The following BMAL2 variants were observed in gnomAD, a reference collection of about 807,000 sequenced individuals.
BMAL2 encodes the protein basic helix-loop-helix ARNT-like protein 2.
the BMAL2 span, among the ~76,000 whole-genome samples, chr12:27,405,635 A>G: frequency 6.6e-6 from 1 of 152,210 alleles, no homozygotes; most frequent in African/African-American, 2.4e-5. Context: ...AGATAAAACC[A>G]CAAAGATGGG....
the BMAL2 span, among the ~76,000 whole-genome samples, chr12:27,413,754 C>G: frequency 6.6e-6 from 1 of 152,126 alleles, no homozygotes; most frequent in Non-Finnish European, 1.5e-5. Flanking sequence ...ACCAGTGACT[C>G]AATTTAGTTT....
the BMAL2 span, among the ~76,000 whole-genome samples, chr12:27,399,149 G>C: frequency 6.6e-6 from 1 of 152,190 alleles, no homozygotes; most frequent in South Asian, 2.1e-4. Flanking sequence ...TGGATACAAG[G>C]TTTTATGCAT....
chr12:27,418,241 C>A, the BMAL2 span: 2 of 1,288,008 alleles, frequency 1.6e-6, no homozygotes, highest in Non-Finnish European at 2.2e-6. Context: ...TTTATCAAAA[C>A]CCCCCTCTTA....
At chr12:27,408,124 C>T in the BMAL2 span, among the ~76,000 whole-genome samples, 1 of 152,040 alleles carries the variant, frequency 6.6e-6, no homozygotes, top group Non-Finnish European at 1.5e-5. Context: ...CAAAAAAAGT[C>T]CAGGACCAGA....
the BMAL2 span, among the ~76,000 whole-genome samples, chr12:27,338,182 A>G: frequency 6.6e-6 from 1 of 152,366 alleles, no homozygotes; most frequent in African/African-American, 2.4e-5. Flanking sequence ...TAAAGGACCC[A>G]TTAAATACGC....
chr12:27,420,565 T>C, the BMAL2 span: 1 of 1,523,296 alleles, frequency 6.6e-7, no homozygotes, highest in Non-Finnish European at 8.8e-7. Flanking sequence ...ATGAGAAACA[T>C]TTTAAAGCAT....
chr12:27,414,541 A>G, the BMAL2 span, among the ~76,000 whole-genome samples: 1 of 152,052 alleles, frequency 6.6e-6, no homozygotes, highest in Admixed American at 6.6e-5. Context: ...TAAACAACAC[A>G]TACCTGAACA....
the BMAL2 span, chr12:27,424,364 T>G: frequency 6.6e-6 from 1 of 152,178 alleles, no homozygotes; most frequent in Non-Finnish European, 1.5e-5. Context: ...CTTTAAAATA[T>G]CAGATGTGTT....
the BMAL2 span, among the ~76,000 whole-genome samples, chr12:27,359,592 A>G: frequency 6.6e-6 from 1 of 151,388 alleles, no homozygotes; most frequent in Non-Finnish European, 1.5e-5. Context: ...TGAGATAGGA[A>G]TATCGCTTGA....
At chr12:27,374,915 C>T in the BMAL2 span, among the ~76,000 whole-genome samples, 2 of 152,148 alleles carry the variant, frequency 1.3e-5, no homozygotes, top group East Asian at 3.8e-4. Flanking sequence ...AATATAAAAG[C>T]TCTTCTTGAT....
At chr12:27,378,440 A>G in the BMAL2 span, among the ~76,000 whole-genome samples, 1 of 152,236 alleles carries the variant, frequency 6.6e-6, no homozygotes, top group Non-Finnish European at 1.5e-5. Context: ...TTTCTCCAAC[A>G]GTATAGTCAG....
the BMAL2 span, among the ~76,000 whole-genome samples, chr12:27,339,472 G>A: frequency 6.6e-6 from 1 of 152,150 alleles, no homozygotes; most frequent in East Asian, 1.9e-4. Flanking sequence ...TATATACACA[G>A]TAATCGGATT....
the BMAL2 span, chr12:27,400,502 C>A: frequency 1.3e-6 from 2 of 1,502,278 alleles, no homozygotes; most frequent in South Asian, 1.4e-5. Flanking sequence ...TTATAATGAT[C>A]CAAATGTCCT....
chr12:27,394,768 G>T, the BMAL2 span: 3 of 152,188 alleles, frequency 2.0e-5, no homozygotes, highest in Admixed American at 1.3e-4. Context: ...GCCTTTGGGA[G>T]ATAATTAGGT....
chr12:27,406,343 G>A, the BMAL2 span, among the ~76,000 whole-genome samples: 1 of 152,184 alleles, frequency 6.6e-6, no homozygotes, highest in African/African-American at 2.4e-5. Flanking sequence ...CAGCCAGAGA[G>A]AAAGGTCAGG....
At chr12:27,376,946 A>G in the BMAL2 span, among the ~76,000 whole-genome samples, 1 of 141,362 alleles carries the variant, frequency 7.1e-6, no homozygotes, top group African/African-American at 2.7e-5. Flanking sequence ...GCTTGCAGTG[A>G]GCCGAAATCG....
At chr12:27,405,640 G>C in the BMAL2 span, among the ~76,000 whole-genome samples, 43 of 152,240 alleles carry the variant, frequency 2.8e-4, 1 homozygote, top group Non-Finnish European at 5.6e-4. Context: ...AAACCACAAA[G>C]ATGGGGAAAA....
chr12:27,420,406 A>G, the BMAL2 span: 10 of 1,614,080 alleles, frequency 6.2e-6, no homozygotes, highest in South Asian at 1.1e-5. Context: ...GTGATGGTGC[A>G]CAGTTGGATT....
the BMAL2 span, among the ~76,000 whole-genome samples, chr12:27,394,164 T>C: frequency 6.6e-6 from 1 of 152,184 alleles, no homozygotes; most frequent in Admixed American, 6.5e-5. Flanking sequence ...ACTCCTGGCC[T>C]TAAGCAGTCC....
Sources: gnomAD v4.1 joint callset for allele counts (sites outside exome capture counted in the v4.1 genomes callset) on GRCh38, gnomAD v4.1.1 for gene constraint, MANE v1.5 for transcripts, NCBI Gene and HGNC (gene_info 2026-07-23, HGNC 2026-07-21) for gene names.